Variants in PTPN9 observed in about 807,000 individuals in gnomAD.
PTPN9 encodes tyrosine-protein phosphatase non-receptor type 9.
In PTPN9, 26 loss-of-function variants were observed where a neutral mutation model predicts 69.8. The observed-to-expected ratio is 0.37, with a 90% CI of 0.27 to 0.52. The LOEUF (loss-of-function observed/expected upper bound fraction) is 0.52. Among genes scored for constraint, PTPN9 ranks in the 20% least tolerant of loss-of-function variants. The pLI is 0.91. For missense variants in PTPN9, 549 were observed against 740.3 expected, an observed-to-expected ratio of 0.74 and a Z score of 3.00; for synonymous variants, 274 against 272.5, an observed-to-expected ratio of 1.01 and a Z score of -0.05.
At chr15:75,548,056 A>G (rs1172758320) in intron 1 of PTPN9, among the ~76,000 whole-genome samples, 1 of 152,034 alleles carries the variant, frequency 6.6e-6, no homozygotes, top group Non-Finnish European at 1.5e-5. Flanking sequence ...GATTGATACT[A>G]TTATTATCCC....
intron 7 of PTPN9, among the ~76,000 whole-genome samples, chr15:75,496,957 G>A (rs2074746248): frequency 1.3e-5 from 2 of 151,954 alleles, no homozygotes; most frequent in African/African-American, 4.8e-5. Context: ...GAACTGTTTG[G>A]TTTTGAAAAA....
chr15:75,540,715 G>A (rs959015134), intron 1 of PTPN9, among the ~76,000 whole-genome samples: 10 of 152,038 alleles, frequency 6.6e-5, no homozygotes, highest in Non-Finnish European at 7.4e-5. Flanking sequence ...TTGGGAGGCT[G>A]AGGTGGGAGG....
intron 1 of PTPN9, among the ~76,000 whole-genome samples, chr15:75,546,293 T>C (rs2075032518): frequency 1.3e-5 from 2 of 151,998 alleles, no homozygotes; most frequent in African/African-American, 2.4e-5. Flanking sequence ...ACAGAAAATA[T>C]AGATTGTTTT....
chr15:75,504,113 T>C (rs1479832766), intron 7 of PTPN9, among the ~76,000 whole-genome samples: 4 of 100,468 alleles, frequency 4.0e-5, no homozygotes, highest in Admixed American at 3.0e-4. Flanking sequence ...AGCCGCCCCG[T>C]CCGGGAGGGA....
At chr15:75,494,200 T>C (rs1024008824) in intron 7 of PTPN9, among the ~76,000 whole-genome samples, 3 of 149,830 alleles carry the variant, frequency 2.0e-5, no homozygotes, top group Admixed American at 6.7e-5. Context: ...GAGCGAGAAC[T>C]AACATAATAC....
At chr15:75,553,181 A>C (rs1040584217) in intron 1 of PTPN9, among the ~76,000 whole-genome samples, 1 of 152,188 alleles carries the variant, frequency 6.6e-6, no homozygotes, top group African/African-American at 2.4e-5. Context: ...TAAATCTAAC[A>C]AAATGAAATT....
At chr15:75,498,420 T>G (rs575842699) in intron 7 of PTPN9, among the ~76,000 whole-genome samples, 1 of 151,568 alleles carries the variant, frequency 6.6e-6, no homozygotes, top group African/African-American at 2.4e-5. Context: ...ATATGTTTAC[T>G]ATAGGGCAAT....
At chr15:75,565,448 T>C (rs1309334451) in intron 1 of PTPN9, among the ~76,000 whole-genome samples, 1 of 152,186 alleles carries the variant, frequency 6.6e-6, no homozygotes, top group African/African-American at 2.4e-5. Context: ...ACTGACATTT[T>C]GACCAGATAA....
At chr15:75,571,656 G>GGAGGCA (rs1231565033) in intron 1 of PTPN9, among the ~76,000 whole-genome samples, 4 of 152,040 alleles carry the variant, frequency 2.6e-5, no homozygotes, top group African/African-American at 9.7e-5. Context: ...CAGCACTTTG[G>GGAGGCA]GAGGCAGAGG....
At chr15:75,523,599 T>C (rs1175380601) in intron 3 of PTPN9, among the ~76,000 whole-genome samples, 1 of 152,212 alleles carries the variant, frequency 6.6e-6, no homozygotes, top group Admixed American at 6.6e-5. Context: ...GGACCATGAT[T>C]TCCACCCTCT....
At chr15:75,513,999 T>A (rs1024895066) in intron 5 of PTPN9, among the ~76,000 whole-genome samples, 2 of 149,634 alleles carry the variant, frequency 1.3e-5, no homozygotes, top group Non-Finnish European at 3.0e-5. Context: ...CTTGGGAAAT[T>A]AAGGCAGGAG....
intron 1 of PTPN9, among the ~76,000 whole-genome samples, chr15:75,561,509 T>C (rs1381204061): frequency 1.3e-5 from 2 of 151,920 alleles, no homozygotes; most frequent in Non-Finnish European, 2.9e-5. Context: ...GGCAAGTATA[T>C]GAAATATACT....
intron 1 of PTPN9, among the ~76,000 whole-genome samples, chr15:75,578,374 G>A (rs76684205): frequency 0.18 from 27,672 of 152,224 alleles, 3,144 homozygotes; most frequent in Non-Finnish European, 0.26. Context: ...GGGAGTGGAA[G>A]GGCCGGGGGC....
chr15:75,520,544 G>T (rs1303748842), intron 4 of PTPN9, among the ~76,000 whole-genome samples: 1 of 151,144 alleles, frequency 6.6e-6, no homozygotes, highest in East Asian at 1.9e-4. Context: ...TTGAGACAGA[G>T]TTCGCTTTTG....
intron 1 of PTPN9, among the ~76,000 whole-genome samples, chr15:75,538,324 T>C (rs149631140): frequency 9.0e-4 from 137 of 152,310 alleles, no homozygotes; most frequent in African/African-American, 3.2e-3. Flanking sequence ...GTACCTGCTA[T>C]TACCACCACT....
intron 7 of PTPN9, among the ~76,000 whole-genome samples, chr15:75,491,517 A>G (rs2074711025): frequency 6.6e-6 from 1 of 152,232 alleles, no homozygotes; most frequent in Non-Finnish European, 1.5e-5. Flanking sequence ...GTAACAAATA[A>G]CTAAAAATGT....
intron 1 of PTPN9, among the ~76,000 whole-genome samples, chr15:75,559,572 G>A (rs1482456822): frequency 6.6e-6 from 1 of 152,120 alleles, no homozygotes; most frequent in African/African-American, 2.4e-5. Flanking sequence ...CTTGAGGGCA[G>A]CATGCTTGTT....
At chr15:75,520,437 A>AATAGATAGATAG (rs138397961) in intron 4 of PTPN9, among the ~76,000 whole-genome samples, 2,056 of 140,350 alleles carry the variant, frequency 0.015, 23 homozygotes, top group Admixed American at 0.019. Flanking sequence ...TAGGGTATAG[A>AATAGATAGATAG]ATAGATAGAT....
At position 75,576,680 on chromosome 15, in the gene PTPN9, C is replaced by A. The variant is rs186525407; in HGVS notation, c.63+2034G>T. ...AAAATTAGCTGGGCATGGTGGCAGG[C>A]GCCTGTAATCCCAGCTGCTCGGGAG... On this transcript the variant is annotated intron_variant, in intron 1 of 12. Coordinates refer to ENST00000618819, the MANE Select transcript of PTPN9 (RefSeq NM_002833.4). Among the ~76,000 whole-genome samples the A allele has an allele frequency of 7.6e-3, 1,139 of 149,952 alleles. 7 individuals are homozygous for A. Among genetic ancestry groups the A allele is most frequent in the Non-Finnish European group, 0.011 (713 of 67,510 alleles).
Sources: allele counts gnomAD v4.1 joint callset (sites outside exome capture counted in the v4.1 genomes callset), GRCh38; gene constraint gnomAD v4.1.1; transcripts MANE v1.5; gene names NCBI Gene and HGNC (gene_info 2026-07-23, HGNC 2026-07-21).